Variants in FHIT observed in about 807,000 individuals in gnomAD.
The protein encoded by FHIT is fragile histidine triad diadenosine triphosphatase.
A neutral mutation model predicts 17.9 loss-of-function variants in FHIT; 19 were observed. That is an observed-to-expected ratio of 1.06 (90% confidence interval 0.74 to 1.56). FHIT has a LOEUF of 1.56. FHIT is among the 40% of genes most tolerant of loss of function. FHIT has a pLI of 0.00. For synonymous variants in FHIT, 81 were observed against 69.7 expected (o/e 1.16, Z -0.81); for missense variants, 248 against 189.2 (o/e 1.31, Z -1.82).
chr3:60,455,685 A>G (rs989661868), intron 5 of FHIT, among the ~76,000 whole-genome samples: 3 of 152,104 alleles, frequency 2.0e-5, no homozygotes, highest in Admixed American at 6.6e-5. Context: ...TGCAACCTAC[A>G]TGGGAAAATA....
intron 7 of FHIT, among the ~76,000 whole-genome samples, chr3:59,961,634 C>T (rs961389259): frequency 2.0e-4 from 31 of 152,242 alleles, no homozygotes; most frequent in African/African-American, 7.0e-4. Flanking sequence ...CCTCAAGGCA[C>T]GGTCCCACAT....
intron 4 of FHIT, among the ~76,000 whole-genome samples, chr3:60,607,019 C>G (rs1391175742): frequency 1.3e-5 from 2 of 152,088 alleles, no homozygotes; most frequent in Non-Finnish European, 2.9e-5. Flanking sequence ...CATTCCATTG[C>G]TGGACCTCTA....
chr3:60,440,749 T>C (rs1401904370), intron 5 of FHIT, among the ~76,000 whole-genome samples: 2 of 152,044 alleles, frequency 1.3e-5, no homozygotes, highest in Non-Finnish European at 2.9e-5. Context: ...AGTGGGGCAA[T>C]AAATCTCTGG....
intron 5 of FHIT, among the ~76,000 whole-genome samples, chr3:60,035,918 G>T (rs958118676): frequency 6.6e-6 from 1 of 152,188 alleles, no homozygotes; most frequent in African/African-American, 2.4e-5. Context: ...TAACAAAAAA[G>T]GTTTACTTCT....
intron 8 of FHIT, among the ~76,000 whole-genome samples, chr3:59,900,727 C>A (rs896970417): frequency 1.1e-4 from 16 of 152,192 alleles, no homozygotes; most frequent in African/African-American, 3.9e-4. Context: ...AATTCTCCTA[C>A]GTCAGCCTCC....
At chr3:61,201,396 T>A (rs1451579436) in intron 1 of FHIT, among the ~76,000 whole-genome samples, 1 of 152,224 alleles carries the variant, frequency 6.6e-6, no homozygotes, top group African/African-American at 2.4e-5. Flanking sequence ...TCTTTAATCA[T>A]CCAATCTTAC....
At chr3:60,882,486 G>T (rs1383855703) in intron 3 of FHIT, among the ~76,000 whole-genome samples, 2 of 152,100 alleles carry the variant, frequency 1.3e-5, no homozygotes, top group African/African-American at 4.8e-5. Context: ...CTAGCAAGTT[G>T]AATCCAGCAT....
intron 5 of FHIT, among the ~76,000 whole-genome samples, chr3:60,081,265 T>G (rs2736780): frequency 1.3e-5 from 2 of 151,858 alleles, no homozygotes; most frequent in Non-Finnish European, 2.9e-5. Flanking sequence ...ATATACGTTT[T>G]GGGGGGTGGT....
At chr3:60,326,560 G>A (rs537099998) in intron 5 of FHIT, among the ~76,000 whole-genome samples, 1 of 152,310 alleles carries the variant, frequency 6.6e-6, no homozygotes, top group South Asian at 2.1e-4. Flanking sequence ...TTGCTGTGTG[G>A]CCAGGTTCCT....
chr3:60,156,466 T>G (rs893832722), intron 5 of FHIT, among the ~76,000 whole-genome samples: 7 of 150,474 alleles, frequency 4.7e-5, no homozygotes, highest in African/African-American at 1.7e-4. Context: ...CAAAACAAAA[T>G]GACTGGGTGC....
intron 3 of FHIT, among the ~76,000 whole-genome samples, chr3:60,925,672 C>T (rs1177370857): frequency 2.0e-5 from 3 of 152,122 alleles, no homozygotes; most frequent in Non-Finnish European, 2.9e-5. Flanking sequence ...AAATAACCAG[C>T]TAACATCATA....
At chr3:60,521,297 G>C (rs2035351224) in intron 5 of FHIT, among the ~76,000 whole-genome samples, 1 of 151,942 alleles carries the variant, frequency 6.6e-6, no homozygotes, top group African/African-American at 2.4e-5. Context: ...TCCCAGGCTG[G>C]AGTGCAATGG....
chr3:61,081,855 G>A lies in FHIT; in HGVS notation c.-163-39756C>T, dbSNP rs544955940. 1.3e-5 allele frequency among the ~76,000 whole-genome samples: 2 copies of A among 152,128 alleles called. 1 individual carries two copies. The highest frequency in any genetic ancestry group is 4.2e-4 in the South Asian group (2 of 4,814). On this transcript the variant is annotated intron_variant, in intron 2 of 9. Coordinates refer to ENST00000492590, the MANE Select transcript of FHIT (RefSeq NM_002012.4). ...TTCAAACTTCAAATATCTTTTTGGG[G>A]GCACACAAGTAAACCTATTCTGTGC...
chr3:59,788,636 T>A (rs1197679022), intron 8 of FHIT, among the ~76,000 whole-genome samples: 2 of 152,168 alleles, frequency 1.3e-5, no homozygotes, highest in Non-Finnish European at 2.9e-5. Flanking sequence ...GTTGGATCAG[T>A]GTCTTAGTCT....
At chr3:60,403,594 T>C (rs989926536) in intron 5 of FHIT, among the ~76,000 whole-genome samples, 1 of 152,112 alleles carries the variant, frequency 6.6e-6, no homozygotes, top group Non-Finnish European at 1.5e-5. Context: ...CTGACCTACC[T>C]TGCTTAATTA....
At chr3:60,826,593 C>G (rs550636546) in intron 3 of FHIT, among the ~76,000 whole-genome samples, 1 of 152,148 alleles carries the variant, frequency 6.6e-6, no homozygotes, top group African/African-American at 2.4e-5. Flanking sequence ...TAATAATCAG[C>G]GTGACCATTG....
chr3:60,806,008 A>G (rs1701372127), intron 4 of FHIT, among the ~76,000 whole-genome samples: 1 of 152,240 alleles, frequency 6.6e-6, no homozygotes, highest in Non-Finnish European at 1.5e-5. Context: ...TATTCTGTAT[A>G]TTACTTAAGT....
At chr3:61,017,800 A>C (rs2032196543) in intron 3 of FHIT, among the ~76,000 whole-genome samples, 2 of 152,232 alleles carry the variant, frequency 1.3e-5, no homozygotes, top group African/African-American at 4.8e-5. Flanking sequence ...ACTCAGAATC[A>C]CAAGAAATAA....
chr3:60,061,081 C>A (rs577314723), intron 5 of FHIT, among the ~76,000 whole-genome samples: 2 of 152,306 alleles, frequency 1.3e-5, no homozygotes, highest in African/African-American at 4.8e-5. Flanking sequence ...TTCAGACCCA[C>A]AATCCCAATG....
Sources: allele counts gnomAD v4.1 joint callset (sites outside exome capture counted in the v4.1 genomes callset), GRCh38; gene constraint gnomAD v4.1.1; transcripts MANE v1.5; gene names NCBI Gene and HGNC (gene_info 2026-07-23, HGNC 2026-07-21).